Variants in TSPAN9 observed in about 807,000 individuals in gnomAD.
The protein encoded by TSPAN9 is tetraspanin 9.
Under a neutral mutation model 31.0 loss-of-function variants are expected in TSPAN9, and 16 were observed. The ratio of observed to expected loss-of-function variants is 0.52; its 90% CI spans 0.35 to 0.78. The LOEUF (loss-of-function observed/expected upper bound fraction) is 0.78. Among genes scored for constraint, TSPAN9 ranks in the 30% least tolerant of loss-of-function variants. The pLI is 0.01. For synonymous variants in TSPAN9, 145 were observed against 121.6 expected (o/e 1.19, Z -1.27); for missense variants, 272 against 312.5 (o/e 0.87, Z 0.98).
chr12:3,237,565 G>A (rs2098394459), intron 3 of TSPAN9, among the ~76,000 whole-genome samples: 1 of 152,148 alleles, frequency 6.6e-6, no homozygotes, highest in African/African-American at 2.4e-5. Context: ...CCCACCCGAG[G>A]CAGGCTGCCG....
In TSPAN9 at chr12:3,107,039, A is replaced by T. The variant is rs1209549140; in HGVS notation, c.-18+23320A>T. The stretch of plus-strand genomic sequence containing the variant: ...CTCAGATCCCAGCGGGTTTCCAGCC[A>T]CAGAAGCAAAGCAAACAGGCCCCTG... On this transcript the variant is annotated intron_variant, in intron 2 of 8. Transcript: ENST00000011898. The surrounding 1 kb of genome is among the most constrained non-coding windows in gnomAD (Gnocchi z 4.1). Among the ~76,000 whole-genome samples the T allele has an allele frequency of 6.6e-6, 1 of 152,144 alleles. No homozygotes were observed. Among genetic ancestry groups the T allele is most frequent in the Non-Finnish European group, 1.5e-5 (1 of 68,020 alleles).
chr12:3,199,798 C>T (rs986962267), intron 2 of TSPAN9, among the ~76,000 whole-genome samples: 2 of 152,176 alleles, frequency 1.3e-5, no homozygotes, highest in Admixed American at 6.5e-5. Context: ...TTTCCGATAC[C>T]TCGCGCCTCC....
At chr12:3,146,606 T>C (rs2098337375) in intron 2 of TSPAN9, among the ~76,000 whole-genome samples, 1 of 152,206 alleles carries the variant, frequency 6.6e-6, no homozygotes, top group South Asian at 2.1e-4. Context: ...AATGCCTCTG[T>C]GCGCTCTGCT....
intron 3 of TSPAN9, among the ~76,000 whole-genome samples, chr12:3,252,578 T>C (rs1190403448): frequency 6.6e-6 from 1 of 152,234 alleles, no homozygotes; most frequent in Non-Finnish European, 1.5e-5. Flanking sequence ...TGCCGCTAGC[T>C]GGGCCTGGGC....
In TSPAN9 at chr12:3,128,701, G is replaced by C. The variant is rs1232939832; in HGVS notation, c.-18+44982G>C. ...TAACCACTCTGTTCCTCACTAAAAG[G>C]AAAGACTAAACACTTTGAGATTCAG... is the stretch of plus-strand genomic sequence containing the variant. On this transcript the variant is annotated intron_variant, in intron 2 of 8. Transcript: ENST00000011898. Among the ~76,000 whole-genome samples, 6 of 152,176 alleles carry C rather than the reference G, an allele frequency of 3.9e-5. No individual in the cohort carries two copies. The East Asian group carries it at 1.2e-3, about 29-fold the overall frequency.
intron 3 of TSPAN9, among the ~76,000 whole-genome samples, chr12:3,230,193 GA>G (rs963147827): frequency 6.6e-6 from 1 of 152,192 alleles, no homozygotes; most frequent in African/African-American, 2.4e-5. Flanking sequence ...GCCTATGGGG[GA>G]CTCTGGGTGG....
In TSPAN9 at chr12:3,280,573, C is replaced by A; in HGVS notation, c.432+90C>A. The A allele has an allele frequency of 4.1e-6, 5 of 1,227,478 alleles. No individual in the cohort carries two copies. The highest frequency in any genetic ancestry group is 1.3e-5 in the South Asian group (1 of 76,946). 76.0% of individuals were successfully genotyped at this position (1,227,478 alleles called of 1,614,324 possible). A position where few individuals can be genotyped will look rare whatever the true frequency, so the allele number is the denominator to read the frequency against. ...TGCCTTCCCCGGTGACCTGGCCGGG[C>A]ACCTGTGCTTTCTGGATTTTAGCCG... On this transcript the variant is annotated intron_variant, in intron 6 of 8. Transcript: ENST00000011898. The surrounding 1 kb of genome is among the most constrained non-coding windows in gnomAD (Gnocchi z 4.5).
intron 2 of TSPAN9, among the ~76,000 whole-genome samples, chr12:3,090,063 G>A (rs1280913999): frequency 6.6e-6 from 1 of 152,142 alleles, no homozygotes; most frequent in Non-Finnish European, 1.5e-5. Flanking sequence ...ACTTTGGTTT[G>A]TATTATTTCC....
At chr12:3,243,857 C>T (rs565159709) in intron 3 of TSPAN9, among the ~76,000 whole-genome samples, 68 of 152,292 alleles carry the variant, frequency 4.5e-4, no homozygotes, top group African/African-American at 1.3e-3. Flanking sequence ...CTCAAGGCCG[C>T]CACCTCTGAG....
At chr12:3,197,987 T>C (rs866382923) in intron 2 of TSPAN9, among the ~76,000 whole-genome samples, 32 of 2,950 alleles carry the variant, frequency 0.011, 1 homozygote, top group African/African-American at 0.06. Context: ...CCAGCACAGG[T>C]CACCATCAGC....
chr12:3,240,092 TAG>T (rs1357257696), intron 3 of TSPAN9, among the ~76,000 whole-genome samples: 5 of 152,076 alleles, frequency 3.3e-5, no homozygotes, highest in Non-Finnish European at 7.4e-5. Flanking sequence ...GCACATAATG[TAG>T]AGAACCCTTG....
chr12:3,241,874 G>A (rs2098396739), intron 3 of TSPAN9, among the ~76,000 whole-genome samples: 1 of 151,534 alleles, frequency 6.6e-6, no homozygotes, highest in Non-Finnish European at 1.5e-5. Flanking sequence ...GGAGGGCAAA[G>A]TCCTCTCCCC....
chr12:3,277,117 C>T (rs1335113732), intron 3 of TSPAN9, among the ~76,000 whole-genome samples: 1 of 152,198 alleles, frequency 6.6e-6, no homozygotes, highest in Non-Finnish European at 1.5e-5. Flanking sequence ...GTAGCTTATT[C>T]CAATCTAATT....
At chr12:3,214,933 G>A (rs1027341471) in intron 3 of TSPAN9, among the ~76,000 whole-genome samples, 1 of 151,644 alleles carries the variant, frequency 6.6e-6, no homozygotes, top group Admixed American at 6.6e-5. Flanking sequence ...GTTCCCTGGC[G>A]CTGCCTGCCT....
At chr12:3,177,946 G>A (rs73249077) in intron 2 of TSPAN9, among the ~76,000 whole-genome samples, 1,599 of 152,290 alleles carry the variant, frequency 0.01, 27 homozygotes, top group African/African-American at 0.037. Flanking sequence ...TGTCTGGGCC[G>A]TGTCTTGCCC....
intron 2 of TSPAN9, among the ~76,000 whole-genome samples, chr12:3,133,114 G>A (rs1349312965): frequency 6.6e-6 from 1 of 152,160 alleles, no homozygotes; most frequent in Non-Finnish European, 1.5e-5. Flanking sequence ...CTCGGTGAAG[G>A]AATTTCAGGC....
At chr12:3,100,053 G>A (rs1455165636) in intron 2 of TSPAN9, among the ~76,000 whole-genome samples, 3 of 151,950 alleles carry the variant, frequency 2.0e-5, no homozygotes. Context: ...ATGTTAGCCG[G>A]GATGGTCTCG....
chr12:3,242,961 G>T (rs1313195584), intron 3 of TSPAN9, among the ~76,000 whole-genome samples: 12 of 152,220 alleles, frequency 7.9e-5, no homozygotes, highest in Admixed American at 7.9e-4. Context: ...CTGTGGCAGG[G>T]CATCCAGACG....
chr12:3,117,269 G>A (rs1286647064), intron 2 of TSPAN9, among the ~76,000 whole-genome samples: 1 of 152,110 alleles, frequency 6.6e-6, no homozygotes, highest in East Asian at 1.9e-4. Context: ...AGGGTTTTGA[G>A]TTTTCCTGCC....
Sources: allele counts gnomAD v4.1 joint callset (sites outside exome capture counted in the v4.1 genomes callset), GRCh38; gene constraint gnomAD v4.1.1; non-coding constraint Gnocchi (gnomAD v3.1); transcripts MANE v1.5; gene names NCBI Gene and HGNC (gene_info 2026-07-23, HGNC 2026-07-21).